ROBO1: variants seen among roughly 807,000 people sequenced by gnomAD.
ROBO1 encodes the protein roundabout homolog 1.
ROBO1 carries 149 observed loss-of-function variants against 195.9 expected under a neutral mutation model. The ratio of observed to expected loss-of-function variants is 0.76; its 90% CI spans 0.67 to 0.87. The LOEUF is 0.87. Ranked by LOEUF, ROBO1 falls within the 40% of genes least tolerant of loss-of-function variation. The pLI is 0.00. For missense variants in ROBO1, 1,933 were observed against 2,068.3 expected (o/e 0.93, Z 1.27); for synonymous variants, 816 against 733.2 (o/e 1.11, Z -1.82).
intron 1 of ROBO1, among the ~76,000 whole-genome samples, chr3:79,717,159 T>C (rs1343748477): frequency 6.6e-6 from 1 of 151,960 alleles, no homozygotes; most frequent in Non-Finnish European, 1.5e-5. Context: ...TAAGTTTGTA[T>C]ATTTATACTT....
intron 22 of ROBO1, among the ~76,000 whole-genome samples, chr3:78,638,230 TATGTATGTGTGTATACACAC>T (rs1705667561): frequency 7.3e-6 from 1 of 137,522 alleles, no homozygotes; most frequent in Admixed American, 7.0e-5. Context: ...TATATACATA[TATGTATGTGTGTATACACAC>T]ATACATATAT....
intron 3 of ROBO1, among the ~76,000 whole-genome samples, chr3:79,120,304 GA>G (rs1284789066): frequency 6.6e-6 from 1 of 151,914 alleles, no homozygotes; most frequent in Non-Finnish European, 1.5e-5. Flanking sequence ...AACTAGAGAT[GA>G]AAAAAATTAT....
chr3:79,210,873 G>A (rs534318689), intron 2 of ROBO1, among the ~76,000 whole-genome samples: 1 of 152,164 alleles, frequency 6.6e-6, no homozygotes, highest in Non-Finnish European at 1.5e-5. Flanking sequence ...ACAGACAGCA[G>A]GTCTAAATCA....
chr3:79,590,948 C>A (rs1337386552), intron 1 of ROBO1, among the ~76,000 whole-genome samples: 1 of 151,372 alleles, frequency 6.6e-6, no homozygotes, highest in Non-Finnish European at 1.5e-5. Context: ...TGATGGGGAA[C>A]TTAAAAAATA....
At chr3:79,381,159 G>A (rs1208419731) in intron 2 of ROBO1, among the ~76,000 whole-genome samples, 1 of 151,858 alleles carries the variant, frequency 6.6e-6, no homozygotes, top group Non-Finnish European at 1.5e-5. Flanking sequence ...GAGATGGAGA[G>A]CATCCTGGCC....
chr3:78,952,815 A>ATC (rs986395373), intron 3 of ROBO1, among the ~76,000 whole-genome samples: 4 of 152,004 alleles, frequency 2.6e-5, no homozygotes, highest in Non-Finnish European at 5.9e-5. Flanking sequence ...CAGCTACTTT[A>ATC]TTTTATTCTA....
rs143175346 is a variant in ROBO1, at chr3:79,208,673, C to T, written c.89-83134G>A. 1.9e-4 allele frequency among the ~76,000 whole-genome samples: 27 copies of T among 139,242 alleles called. No individual in the cohort carries two copies. The East Asian group carries it at 4.1e-3, about 21-fold the overall frequency. 91.3% of individuals were successfully genotyped at this position (139,242 alleles called of 152,430 possible). On this transcript the variant is annotated intron_variant, in intron 2 of 30. Transcript: ENST00000464233. ...GAAAGTTAATATAGTTGTTGTTGGT[C>T]GTGGTGGTGGGGCATGTGTGTGTGT... is the stretch of plus-strand genomic sequence containing the variant.
intron 4 of ROBO1, among the ~76,000 whole-genome samples, chr3:78,753,809 T>A (rs570732286): frequency 5.8e-4 from 89 of 152,344 alleles, no homozygotes; most frequent in African/African-American, 1.9e-3. Flanking sequence ...TAGATCATTT[T>A]AAAATGTATC....
At chr3:78,668,915 T>C (rs909282394) in intron 11 of ROBO1, among the ~76,000 whole-genome samples, 5 of 152,298 alleles carry the variant, frequency 3.3e-5, no homozygotes, top group South Asian at 2.1e-4. Flanking sequence ...TTATGTTTAA[T>C]AAGTTATATA....
chr3:79,665,641 A>G (rs892755195), intron 1 of ROBO1, among the ~76,000 whole-genome samples: 1 of 151,944 alleles, frequency 6.6e-6, no homozygotes, highest in Non-Finnish European at 1.5e-5. Flanking sequence ...TATAGAGATC[A>G]CCACCTAAAA....
At chr3:78,662,222 G>A in intron 14 of ROBO1, 108 bp from the exon 15 acceptor site, 1 of 897,556 alleles carries the variant, frequency 1.1e-6, no homozygotes, top group Non-Finnish European at 1.6e-6. Context: ...GTAAAGAAGA[G>A]TCCAAGCCAG....
intron 4 of ROBO1, among the ~76,000 whole-genome samples, chr3:78,768,325 A>AT (rs1009012640): frequency 1.7e-4 from 25 of 147,854 alleles, no homozygotes; most frequent in East Asian, 5.9e-4. Flanking sequence ...ATTTTCTTAA[A>AT]TTTTTTTTTT....
chr3:79,743,893 T>C (rs1412100568), intron 1 of ROBO1, among the ~76,000 whole-genome samples: 1 of 152,150 alleles, frequency 6.6e-6, no homozygotes, highest in Non-Finnish European at 1.5e-5. Flanking sequence ...CCGTCGTCTC[T>C]ACGGTAACAC....
At chr3:79,454,328 T>C (rs1401532858) in intron 2 of ROBO1, among the ~76,000 whole-genome samples, 1 of 152,084 alleles carries the variant, frequency 6.6e-6, no homozygotes, top group Non-Finnish European at 1.5e-5. Flanking sequence ...TCAAGGCATG[T>C]TTCCCTCACT....
intron 2 of ROBO1, among the ~76,000 whole-genome samples, chr3:79,195,096 G>C (rs1224288396): frequency 6.6e-6 from 1 of 151,444 alleles, no homozygotes; most frequent in Non-Finnish European, 1.5e-5. Context: ...ACTTCAGGTG[G>C]CTTTGGGTTT....
intron 4 of ROBO1, among the ~76,000 whole-genome samples, chr3:78,843,806 C>T (rs1027909906): frequency 5.9e-5 from 9 of 152,116 alleles, no homozygotes; most frequent in Admixed American, 1.3e-4. Flanking sequence ...GGAATTATCA[C>T]GTGGTGGACC....
At chr3:79,268,177 AC>A (rs939992288) in intron 2 of ROBO1, among the ~76,000 whole-genome samples, 2 of 151,602 alleles carry the variant, frequency 1.3e-5, no homozygotes, top group Non-Finnish European at 3.0e-5. Flanking sequence ...GTCATCCTTC[AC>A]TTCATTGGAA....
intron 1 of ROBO1, among the ~76,000 whole-genome samples, chr3:79,592,901 C>T (rs1303174171): frequency 6.6e-6 from 1 of 152,034 alleles, no homozygotes; most frequent in African/African-American, 2.4e-5. Flanking sequence ...ATTCATCCCT[C>T]CCCCTTCCGA....
intron 8 of ROBO1, among the ~76,000 whole-genome samples, chr3:78,709,095 A>C (rs1192840604): frequency 6.6e-6 from 1 of 152,198 alleles, no homozygotes; most frequent in Non-Finnish European, 1.5e-5. Flanking sequence ...ATGTAACAAC[A>C]CTGATGGTTA....
Sources: allele counts gnomAD v4.1 joint callset (sites outside exome capture counted in the v4.1 genomes callset), GRCh38; gene constraint gnomAD v4.1.1; transcripts MANE v1.5; gene names NCBI Gene and HGNC (gene_info 2026-07-23, HGNC 2026-07-21).